Variants in ARHGEF28 observed in about 807,000 individuals in gnomAD.
ARHGEF28 encodes the protein 190 kDa guanine nucleotide exchange factor.
ARHGEF28 carries 152 observed loss-of-function variants against 206.6 expected under a neutral mutation model. The ratio of observed to expected loss-of-function variants is 0.74; its 90% confidence interval spans 0.64 to 0.84. The LOEUF (loss-of-function observed/expected upper bound fraction) is 0.84, where lower values mean the gene tolerates loss of function less well. Ranked by LOEUF, ARHGEF28 falls within the 40% of genes least tolerant of loss-of-function variation. ARHGEF28 has a pLI of 0.00. For missense variants in ARHGEF28, 2,028 were observed against 2,073.2 expected (o/e 0.98, Z 0.42); for synonymous variants, 763 against 776.4 (o/e 0.98, Z 0.29).
chr5:73,852,688 A>G lies in ARHGEF28; in HGVS notation c.1786A>G (p.Asn596Asp). 1 of 1,613,628 alleles carries G rather than the reference A, an allele frequency of 6.2e-7. No homozygotes were observed. Among genetic ancestry groups the G allele is most frequent in the Non-Finnish European group, 8.5e-7 (1 of 1,179,622 alleles). ...CAGCTTATCGGAGCCACCAAGAGAA[A>G]ACAGGTACTTTTAACTATTCCAATT... Reference protein sequence around the residue: ...AYSLSEPPRENRIQEEEWDKY... With the variant: ...AYSLSEPPREDRIQEEEWDKY... Residue 596 changes from asparagine (N) to aspartate (D), a missense_variant, in exon 14 of 36, where the codon AAC (asparagine) becomes GAC (aspartate). Around this residue, in one of 3 missense-constraint regions of ARHGEF28, gnomAD observed 1,002 missense variants for 1,015.3 expected, o/e 0.99. Transcript: ENST00000513042.
intron 26 of ARHGEF28, 65 bp from the exon 27 acceptor site, chr5:73,891,985 CAT>C: frequency 7.0e-7 from 1 of 1,437,634 alleles, no homozygotes; most frequent in Non-Finnish European, 9.4e-7. Flanking sequence ...TCCTTTAGCT[CAT>C]GTTTTACGGA....
At chr5:73,647,116 G>A (rs1198061807) in intron 1 of ARHGEF28, among the ~76,000 whole-genome samples, 2 of 152,080 alleles carry the variant, frequency 1.3e-5, no homozygotes, top group African/African-American at 4.8e-5. Context: ...AACTTTTTGA[G>A]GGCTAACATA....
intron 2 of ARHGEF28, among the ~76,000 whole-genome samples, chr5:73,706,502 A>C (rs1380886824): frequency 1.3e-5 from 2 of 152,022 alleles, no homozygotes; most frequent in Admixed American, 1.3e-4. Context: ...TTGTTTTCTC[A>C]CTTGAATATG....
At chr5:73,791,244 C>T (rs941239824) in intron 7 of ARHGEF28, among the ~76,000 whole-genome samples, 2 of 152,182 alleles carry the variant, frequency 1.3e-5, no homozygotes, top group Non-Finnish European at 1.5e-5. Flanking sequence ...TCCCAGCTCT[C>T]CCAGAATTTA....
intron 10 of ARHGEF28, among the ~76,000 whole-genome samples, chr5:73,839,683 T>C (rs539070623): frequency 2.4e-4 from 36 of 152,328 alleles, no homozygotes; most frequent in African/African-American, 8.7e-4. Context: ...CGACTCCCCT[T>C]ACCCTCCGCA....
intron 14 of ARHGEF28, among the ~76,000 whole-genome samples, chr5:73,853,126 A>C (rs1445770662): frequency 6.6e-6 from 1 of 152,238 alleles, no homozygotes; most frequent in African/African-American, 2.4e-5. Flanking sequence ...CTTCAGCTGG[A>C]AACAAAGAAT....
chr5:73,782,132 T>TA (rs35157852), intron 7 of ARHGEF28, among the ~76,000 whole-genome samples: 27,581 of 143,118 alleles, frequency 0.19, 4,984 homozygotes, highest in African/African-American at 0.48. Flanking sequence ...GCATGTTTGT[T>TA]AAAAAAAAAA....
chr5:73,737,278 C>T lies in ARHGEF28; in HGVS notation c.34-12559C>T, dbSNP rs376364095. Among the ~76,000 whole-genome samples, 12 of 152,022 alleles carry T rather than the reference C, an allele frequency of 7.9e-5. No homozygotes were observed. In the East Asian group the frequency reaches 1.6e-3, roughly 20 times the overall value. ...GGGGTGAATCTTTCTCTCTCCTGCT[C>T]ATTTTTATTTATCTATTTATTTTCC... On this transcript the variant is annotated intron_variant, in intron 2 of 35. Transcript: ENST00000513042.
intron 3 of ARHGEF28, among the ~76,000 whole-genome samples, chr5:73,750,345 C>G (rs918041700): frequency 6.6e-6 from 1 of 152,092 alleles, no homozygotes; most frequent in Non-Finnish European, 1.5e-5. Flanking sequence ...AGGGTTGGCT[C>G]AGGCAGAACT....
intron 35 of ARHGEF28, among the ~76,000 whole-genome samples, chr5:73,926,548 C>T (rs962698521): frequency 2.0e-5 from 3 of 152,198 alleles, no homozygotes; most frequent in African/African-American, 7.2e-5. Flanking sequence ...CTTGACAACT[C>T]TCCCTACTTT....
intron 1 of ARHGEF28, among the ~76,000 whole-genome samples, chr5:73,663,104 C>T (rs1007838685): frequency 6.6e-6 from 1 of 152,124 alleles, no homozygotes; most frequent in African/African-American, 2.4e-5. Context: ...TACAGGTGCA[C>T]ACCACCACAC....
At chr5:73,801,586 G>A (rs938751613) in intron 9 of ARHGEF28, among the ~76,000 whole-genome samples, 4 of 152,090 alleles carry the variant, frequency 2.6e-5, no homozygotes, top group South Asian at 2.1e-4. Flanking sequence ...GACTGAAACC[G>A]CAAGAATGTT....
At chr5:73,663,594 C>G (rs1300857092) in intron 1 of ARHGEF28, among the ~76,000 whole-genome samples, 2 of 152,208 alleles carry the variant, frequency 1.3e-5, no homozygotes, top group African/African-American at 4.8e-5. Flanking sequence ...GAGCATTGTG[C>G]ATTACTATTA....
chr5:73,766,626 C>T (rs960080446), intron 4 of ARHGEF28, among the ~76,000 whole-genome samples: 5 of 152,130 alleles, frequency 3.3e-5, no homozygotes, highest in African/African-American at 9.7e-5. Flanking sequence ...ATGACTTGGC[C>T]CTGCCCCAGA....
At chr5:73,680,159 G>A (rs536472961) in intron 1 of ARHGEF28, among the ~76,000 whole-genome samples, 23 of 152,124 alleles carry the variant, frequency 1.5e-4, no homozygotes, top group Non-Finnish European at 4.4e-5. Context: ...TCACAGCTGG[G>A]CACCATGGCT....
intron 1 of ARHGEF28, 57 bp from the exon 2 acceptor site, chr5:73,684,784 G>C (rs772113775): frequency 2.0e-6 from 3 of 1,511,194 alleles, no homozygotes; most frequent in Non-Finnish European, 2.7e-6. Flanking sequence ...GAGCTCTGCT[G>C]GTCGGTTCCA....
intron 9 of ARHGEF28, among the ~76,000 whole-genome samples, chr5:73,822,579 G>A (rs1350774698): frequency 6.6e-6 from 1 of 152,152 alleles, no homozygotes; most frequent in Non-Finnish European, 1.5e-5. Context: ...GAGAACCTTA[G>A]AAGAGGAATG....
At chr5:73,795,541 G>A in intron 9 of ARHGEF28, 150 bp downstream of exon 9, 1 of 671,940 alleles carries the variant, frequency 1.5e-6, no homozygotes. Context: ...TTTATTTGTA[G>A]GATCATTTGT....
chr5:73,673,250 A>G (rs1746459180), intron 1 of ARHGEF28, among the ~76,000 whole-genome samples: 1 of 152,204 alleles, frequency 6.6e-6, no homozygotes, highest in Admixed American at 6.5e-5. Flanking sequence ...TCCAGTTAGT[A>G]TAACAGTTGT....
Sources: gnomAD v4.1 joint callset for allele counts (sites outside exome capture counted in the v4.1 genomes callset) on GRCh38, gnomAD v4.1.1 for gene constraint, gnomAD v4.1.1 regional missense constraint, MANE v1.5 for transcripts, NCBI Gene and HGNC (gene_info 2026-07-23, HGNC 2026-07-21) for gene names.